Variants in BCKDHB observed in about 807,000 individuals in gnomAD.
The protein encoded by BCKDHB is branched chain keto acid dehydrogenase E1 subunit beta, also known as 2-oxoisovalerate dehydrogenase subunit beta, mitochondrial.
Under a neutral mutation model 48.5 loss-of-function variants are expected in BCKDHB, and 41 were observed. That is an observed-to-expected ratio of 0.85 (90% CI 0.66 to 1.10). BCKDHB has a LOEUF of 1.10. BCKDHB is among the 50% of genes least tolerant of loss of function. The pLI is 0.00. For synonymous variants in BCKDHB, 201 were observed against 174.8 expected (o/e 1.15, Z -1.18); for missense variants, 496 against 494.2 (o/e 1.00, Z -0.03).
rs1404105298 is a variant in BCKDHB at position 80,138,875 on chromosome 6, C to T, written c.343+9646C>T. 2.0e-5 allele frequency among the ~76,000 whole-genome samples: 3 copies of T among 152,316 alleles called. No homozygotes were observed. The South Asian group carries it at 6.2e-4, about 32-fold the overall frequency. On this transcript the variant is annotated intron_variant, in intron 3 of 9. Coordinates refer to ENST00000320393, the MANE Select transcript of BCKDHB (RefSeq NM_183050.4). ...TAGTTCTAGATCCCTGAGGAATCGC[C>T]ACACTGACTTCCACAATGGTTGAAC...
intron 3 of BCKDHB, among the ~76,000 whole-genome samples, chr6:80,135,052 G>C (rs58563832): frequency 6.6e-6 from 1 of 152,024 alleles, no homozygotes; most frequent in Non-Finnish European, 1.5e-5. Flanking sequence ...ACACTTGGCT[G>C]CTTTTCCAGC....
At chr6:80,218,344 CA>C (rs1775266120) in intron 8 of BCKDHB, among the ~76,000 whole-genome samples, 1 of 152,042 alleles carries the variant, frequency 6.6e-6, no homozygotes, top group Admixed American at 6.5e-5. Flanking sequence ...GGAGAACTAT[CA>C]AAATGTGGAG....
At chr6:80,174,827 C>T (rs940917297) in intron 6 of BCKDHB, among the ~76,000 whole-genome samples, 15 of 152,076 alleles carry the variant, frequency 9.9e-5, no homozygotes, top group African/African-American at 3.6e-4. Flanking sequence ...CCTGTGGGAC[C>T]ACATCTGCAG....
intron 3 of BCKDHB, among the ~76,000 whole-genome samples, chr6:80,134,443 A>C (rs566441537): frequency 7.9e-5 from 12 of 152,136 alleles, no homozygotes; most frequent in Non-Finnish European, 1.3e-4. Flanking sequence ...GGTGAAGGCA[A>C]GTTTTTGTCT....
At chr6:80,278,371 C>T (rs1778052220) in intron 9 of BCKDHB, among the ~76,000 whole-genome samples, 1 of 152,150 alleles carries the variant, frequency 6.6e-6, no homozygotes, top group Admixed American at 6.5e-5. Flanking sequence ...CTGTAAACAG[C>T]TTCTGTGACC....
chr6:80,353,633 T>A, the BCKDHB span, among the ~76,000 whole-genome samples: 1 of 152,050 alleles, frequency 6.6e-6, no homozygotes, highest in African/African-American at 2.4e-5. Context: ...GGTGGGTGGA[T>A]CACAAGGTCA....
chr6:80,290,382 C>A (rs568317712), intron 9 of BCKDHB, among the ~76,000 whole-genome samples: 68 of 152,284 alleles, frequency 4.5e-4, no homozygotes, highest in African/African-American at 1.5e-3. Flanking sequence ...GAAACATGGG[C>A]ACAGCATCAG....
At chr6:80,430,154 C>G in the BCKDHB span, among the ~76,000 whole-genome samples, 1 of 152,024 alleles carries the variant, frequency 6.6e-6, no homozygotes, top group East Asian at 1.9e-4. Flanking sequence ...TTTGTTTACA[C>G]GATAGATTAC....
downstream of BCKDHB, among the ~76,000 whole-genome samples, chr6:80,350,392 GT>G (rs59773931): frequency 0.24 from 35,494 of 149,788 alleles, 5,252 homozygotes; most frequent in African/African-American, 0.42. Context: ...AAAATAGTGG[GT>G]TTTTTTTTTC....
At chr6:80,353,974 AT>A in the BCKDHB span, among the ~76,000 whole-genome samples, 6 of 152,200 alleles carry the variant, frequency 3.9e-5, no homozygotes, top group African/African-American at 1.4e-4. Flanking sequence ...CCTGTAGGAA[AT>A]TTGTATGTCT....
chr6:80,205,671 G>C (rs1233908462), intron 8 of BCKDHB, among the ~76,000 whole-genome samples: 1 of 152,008 alleles, frequency 6.6e-6, no homozygotes, highest in African/African-American at 2.4e-5. Flanking sequence ...ACCACAGCTA[G>C]TTTTTCCACT....
intron 6 of BCKDHB, among the ~76,000 whole-genome samples, chr6:80,179,685 G>T (rs974092870): frequency 6.6e-6 from 1 of 152,036 alleles, no homozygotes; most frequent in Non-Finnish European, 1.5e-5. Flanking sequence ...ATAGTCCAAG[G>T]TTTGAATATA....
chr6:80,132,088 T>G (rs1770657710), intron 3 of BCKDHB, among the ~76,000 whole-genome samples: 1 of 152,172 alleles, frequency 6.6e-6, no homozygotes. Flanking sequence ...AATGTTGAGT[T>G]ACTGGTTGTT....
At chr6:80,412,489 T>C in the BCKDHB span, among the ~76,000 whole-genome samples, 1 of 152,206 alleles carries the variant, frequency 6.6e-6, no homozygotes, top group Non-Finnish European at 1.5e-5. Context: ...TAACAAATTA[T>C]TGTAGTTATA....
intron 8 of BCKDHB, among the ~76,000 whole-genome samples, chr6:80,220,734 C>CTTT (rs67235328): frequency 1.6e-4 from 19 of 121,922 alleles, no homozygotes; most frequent in Admixed American, 1.1e-3. Flanking sequence ...TTTTCTTTTT[C>CTTT]TTTTTTTTTT....
At chr6:80,415,867 T>A in the BCKDHB span, among the ~76,000 whole-genome samples, 8 of 152,044 alleles carry the variant, frequency 5.3e-5, no homozygotes, top group African/African-American at 1.9e-4. Context: ...TCTTTGTAAA[T>A]GTTGTAGAAT....
chr6:80,463,491 A>G, the BCKDHB span, among the ~76,000 whole-genome samples: 1 of 152,324 alleles, frequency 6.6e-6, no homozygotes, highest in East Asian at 1.9e-4. Flanking sequence ...AGTGAAATTT[A>G]TCTCAAAGCA....
intron 8 of BCKDHB, among the ~76,000 whole-genome samples, chr6:80,210,734 C>T (rs1774885692): frequency 6.6e-6 from 1 of 152,132 alleles, no homozygotes; most frequent in African/African-American, 2.4e-5. Context: ...GCTCTGTCCA[C>T]ACCCTTCGTT....
intron 6 of BCKDHB, among the ~76,000 whole-genome samples, chr6:80,195,072 G>T (rs1435316059): frequency 6.6e-6 from 1 of 151,994 alleles, no homozygotes; most frequent in Non-Finnish European, 1.5e-5. Context: ...TACTACCAAA[G>T]GTTGGCACTT....
Sources: allele counts gnomAD v4.1 joint callset (sites outside exome capture counted in the v4.1 genomes callset), GRCh38; gene constraint gnomAD v4.1.1; transcripts MANE v1.5; gene names NCBI Gene and HGNC (gene_info 2026-07-23, HGNC 2026-07-21).